CDH20: variants seen among roughly 807,000 people sequenced by gnomAD.
CDH20 encodes cadherin 20, also known as cadherin-20.
CDH20 carries 29 observed loss-of-function variants against 74.2 expected under a neutral mutation model. That is an observed-to-expected ratio of 0.39 (90% CI 0.29 to 0.53). The LOEUF (loss-of-function observed/expected upper bound fraction) is 0.53, where lower values mean the gene tolerates loss of function less well. CDH20 is among the 20% of genes least tolerant of loss of function. The probability of loss-of-function intolerance (pLI) is 0.69; values close to 1 mark genes in which losing one functional copy is unlikely to be tolerated. For missense variants in CDH20, 988 were observed against 1,048.3 expected, an observed-to-expected ratio of 0.94 and a Z score of 0.79; for synonymous variants, 469 against 405.4, an observed-to-expected ratio of 1.16 and a Z score of -1.88.
intron 1 of CDH20, among the ~76,000 whole-genome samples, chr18:61,433,513 C>T (rs926112589): frequency 6.6e-6 from 1 of 152,158 alleles, no homozygotes; most frequent in Non-Finnish European, 1.5e-5. Flanking sequence ...ATTTCAGTCT[C>T]ACACGTGAAA....
At chr18:61,496,609 G>A (rs933991663) in intron 2 of CDH20, among the ~76,000 whole-genome samples, 8 of 152,140 alleles carry the variant, frequency 5.3e-5, no homozygotes, top group Admixed American at 4.6e-4. Flanking sequence ...TGCCGCTGTC[G>A]CTGTCGTTTC....
At chr18:61,393,546 G>A (rs953864753) in intron 1 of CDH20, among the ~76,000 whole-genome samples, 1 of 152,154 alleles carries the variant, frequency 6.6e-6, no homozygotes, top group African/African-American at 2.4e-5. Context: ...TTTTAAGGAT[G>A]CAAGAAACTT....
At chr18:61,490,367 G>T in intron 1 of CDH20, 35 bp from the exon 2 acceptor site, 1 of 580,394 alleles carries the variant, frequency 1.7e-6, no homozygotes, top group Non-Finnish European at 3.0e-6. Context: ...GAAAGAATCT[G>T]ACATCATCAC....
At chr18:61,413,830 A>T (rs1912594602) in intron 1 of CDH20, among the ~76,000 whole-genome samples, 1 of 152,144 alleles carries the variant, frequency 6.6e-6, no homozygotes, top group Non-Finnish European at 1.5e-5. Context: ...AAGCATACAA[A>T]TGGAGAAGAA....
Position 61,353,863 on chromosome 18 carries a change from C to T in CDH20, c.-153+20036C>T, listed in dbSNP as rs1048883792. The stretch of plus-strand genomic sequence containing the variant: ...TTAGGAGGCCGGGGCGGTTGGATTG[C>T]CTGAACTCTGTAGTTCATAACCAGC... On this transcript the variant is annotated intron_variant, in intron 1 of 11. Coordinates refer to ENST00000262717, the MANE Select transcript of CDH20 (RefSeq NM_031891.4). The surrounding 1 kb of genome is among the most constrained non-coding windows in gnomAD (Gnocchi z 4.6). 2.6e-5 allele frequency among the ~76,000 whole-genome samples: 4 copies of T among 152,088 alleles called. No individual in the cohort carries two copies. The highest frequency in any genetic ancestry group is 4.4e-5 in the Non-Finnish European group (3 of 68,022).
intron 1 of CDH20, among the ~76,000 whole-genome samples, chr18:61,443,006 C>T (rs1040207456): frequency 1.3e-5 from 2 of 152,126 alleles, no homozygotes; most frequent in African/African-American, 2.4e-5. Flanking sequence ...TTCCCAGTCT[C>T]ATCACTGAGC....
intron 1 of CDH20, among the ~76,000 whole-genome samples, chr18:61,421,978 T>C (rs986266923): frequency 1.3e-4 from 20 of 152,154 alleles, no homozygotes; most frequent in African/African-American, 4.8e-4. Context: ...GAACTAATTT[T>C]TCAAGCAACT....
chr18:61,413,640 T>C (rs1396793358), intron 1 of CDH20, among the ~76,000 whole-genome samples: 1 of 151,900 alleles, frequency 6.6e-6, no homozygotes, highest in African/African-American at 2.4e-5. Context: ...TCTGTTGACA[T>C]CAATACAATG....
chr18:61,462,569 C>T (rs1599101541), intron 1 of CDH20, among the ~76,000 whole-genome samples: 1 of 152,040 alleles, frequency 6.6e-6, no homozygotes, highest in East Asian at 1.9e-4. Flanking sequence ...TGGAATATAG[C>T]CAGTAACTTT....
At position 61,510,079 on chromosome 18, in the gene CDH20, A is replaced by G. The variant is rs1011419074; in HGVS notation, c.1017+2519A>G. ...GTAGAGACATGTCATGGCTTTGGTTATAAGAGCGAGGAGTTTGTAGAAGGG... is the reference window on the plus strand; with the variant it reads ...GTAGAGACATGTCATGGCTTTGGTTGTAAGAGCGAGGAGTTTGTAGAAGGG... On this transcript the variant is annotated intron_variant, in intron 6 of 11. Coordinates refer to ENST00000262717, the MANE Select transcript of CDH20 (RefSeq NM_031891.4). Among the ~76,000 whole-genome samples the G allele has an allele frequency of 3.1e-4, 47 of 152,336 alleles. 1 individual carries two copies. The highest frequency in any genetic ancestry group is 1.1e-3 in the African/African-American group (44 of 41,586).
At chr18:61,406,450 A>T (rs1288576961) in intron 1 of CDH20, among the ~76,000 whole-genome samples, 2 of 152,244 alleles carry the variant, frequency 1.3e-5, no homozygotes, top group Admixed American at 6.5e-5. Context: ...GCCATAAACA[A>T]GACAGATGGG....
Position 61,554,951 on chromosome 18 carries a change from C to G in CDH20, c.*256C>G. On this transcript the variant is annotated 3_prime_UTR_variant, in exon 12 of 12. Transcript: ENST00000262717. ...TTTTTGATTTTTCTGACACTGTGTGCGAAGGCTTGGAGTCCAAGGTGTTCT... is the reference window on the plus strand; with the variant it reads ...TTTTTGATTTTTCTGACACTGTGTGGGAAGGCTTGGAGTCCAAGGTGTTCT... 7.5e-7 allele frequency: 1 copy of G among 1,338,394 alleles called. No homozygotes were observed. Among genetic ancestry groups the G allele is most frequent in the Non-Finnish European group, 9.6e-7 (1 of 1,044,584 alleles). 82.9% of individuals were successfully genotyped at this position (1,338,394 alleles called of 1,614,324 possible).
At chr18:61,391,600 C>G (rs1467838810) in intron 1 of CDH20, 1 of 152,168 alleles carries the variant, frequency 6.6e-6, no homozygotes, top group Non-Finnish European at 1.5e-5. Flanking sequence ...CCACAGTGCT[C>G]GCTTCAGCAG....
chr18:61,354,690 C>A (rs1910438887), intron 1 of CDH20, among the ~76,000 whole-genome samples: 1 of 152,024 alleles, frequency 6.6e-6, no homozygotes, highest in African/African-American at 2.4e-5. Context: ...GAGACAATTA[C>A]TTTTGGGGAT....
Position 61,377,850 on chromosome 18 carries a change from G to C in CDH20, c.-153+44023G>C, listed in dbSNP as rs528925748. ...TCACTCCACAGACCTGCACATATTG[G>C]GCCACTTACTAACTCTTATACTAAT... On this transcript the variant is annotated intron_variant, in intron 1 of 11. Transcript: ENST00000262717. Among the ~76,000 whole-genome samples, 10 of 152,082 alleles carry C rather than the reference G, an allele frequency of 6.6e-5. No individual in the cohort carries two copies. In the South Asian group the frequency reaches 1.0e-3, roughly 16 times the overall value.
intron 1 of CDH20, chr18:61,404,875 G>A (rs373299274): frequency 3.4e-6 from 2 of 594,126 alleles, no homozygotes; most frequent in African/African-American, 3.9e-5. Context: ...TCACCAGTCT[G>A]TTCTGGCATG....
At chr18:61,499,955 T>G (rs7229087) in intron 3 of CDH20, among the ~76,000 whole-genome samples, 123 of 151,268 alleles carry the variant, frequency 8.1e-4, no homozygotes, top group Non-Finnish European at 1.4e-3. Flanking sequence ...ACCAAAAAAA[T>G]TAGCCTGGTG....
chr18:61,396,806 A>C lies in CDH20; in HGVS notation c.-153+62979A>C, dbSNP rs548817174. 4.5e-4 allele frequency among the ~76,000 whole-genome samples: 68 copies of C among 152,294 alleles called. No individual in the cohort carries two copies. The Middle Eastern group carries it at 0.014, about 30-fold the overall frequency. Reference sequence around the variant, plus strand: ...GGCAGTTAATCCCCAGCAAACAGCAACTCTGCTTTTCCTGGGGTTGACCTA... The same window carrying C: ...GGCAGTTAATCCCCAGCAAACAGCACCTCTGCTTTTCCTGGGGTTGACCTA... On this transcript the variant is annotated intron_variant, in intron 1 of 11. Transcript: ENST00000262717.
At chr18:61,530,090 G>A (rs1381492054) in intron 7 of CDH20, among the ~76,000 whole-genome samples, 1 of 152,192 alleles carries the variant, frequency 6.6e-6, no homozygotes, top group African/African-American at 2.4e-5. Flanking sequence ...GGCACAGGGG[G>A]CAACGTGAAA....
Sources: allele counts gnomAD v4.1 joint callset (sites outside exome capture counted in the v4.1 genomes callset), GRCh38; gene constraint gnomAD v4.1.1; non-coding constraint Gnocchi (gnomAD v3.1); transcripts MANE v1.5; gene names NCBI Gene and HGNC (gene_info 2026-07-23, HGNC 2026-07-21).